CRB1: variants seen among roughly 807,000 people sequenced by gnomAD.
The protein encoded by CRB1 is crumbs cell polarity complex component 1, also known as protein crumbs homolog 1.
CRB1 carries 83 observed loss-of-function variants against 120.0 expected under a neutral mutation model. That is an observed-to-expected ratio of 0.69 (90% CI 0.58 to 0.83). The LOEUF is 0.83. Ranked by LOEUF, CRB1 falls within the 40% of genes least tolerant of loss-of-function variation. CRB1 has a pLI of 0.00. For synonymous variants in CRB1, 625 were observed against 612.5 expected, an observed-to-expected ratio of 1.02 and a Z score of -0.30; for missense variants, 1,699 against 1,687.6, an observed-to-expected ratio of 1.01 and a Z score of -0.12.
At chr1:197,469,585 T>C (rs1448540900) in intron 11 of CRB1, among the ~76,000 whole-genome samples, 1 of 152,114 alleles carries the variant, frequency 6.6e-6, no homozygotes, top group Non-Finnish European at 1.5e-5. Flanking sequence ...GCTCTGAATC[T>C]TTAGTTAGCA....
intron 1 of CRB1, among the ~76,000 whole-genome samples, chr1:197,310,811 G>T (rs914776011): frequency 1.3e-5 from 2 of 152,056 alleles, no homozygotes; most frequent in African/African-American, 4.8e-5. Flanking sequence ...CAGTTTAGGG[G>T]AGTAGGAAAT....
At chr1:197,406,264 C>G (rs1272252218) in intron 5 of CRB1, among the ~76,000 whole-genome samples, 1 of 152,168 alleles carries the variant, frequency 6.6e-6, no homozygotes, top group Non-Finnish European at 1.5e-5. Flanking sequence ...TCTTCTTGAT[C>G]TGTGACCTTA....
At chr1:197,204,324 G>A in the CRB1 span, among the ~76,000 whole-genome samples, 959 of 152,254 alleles carry the variant, frequency 6.3e-3, 13 homozygotes, top group African/African-American at 0.022. Flanking sequence ...GGGATTGCTG[G>A]ATTAACTGGT....
At chr1:197,341,909 A>G (rs558705952) in intron 2 of CRB1, among the ~76,000 whole-genome samples, 2 of 152,334 alleles carry the variant, frequency 1.3e-5, no homozygotes, top group East Asian at 3.9e-4. Context: ...CTTCAGTTTT[A>G]AAAGGATGGC....
chr1:197,469,984 G>T (rs939497387), intron 11 of CRB1, among the ~76,000 whole-genome samples: 2 of 152,158 alleles, frequency 1.3e-5, no homozygotes, highest in African/African-American at 4.8e-5. Context: ...GCACCTCAGA[G>T]ATGGCACCTC....
the CRB1 span, among the ~76,000 whole-genome samples, chr1:197,261,022 T>C: frequency 6.6e-6 from 1 of 152,178 alleles, no homozygotes; most frequent in African/African-American, 2.4e-5. Context: ...AAAGAGTTAA[T>C]TGAAAAGTGA....
chr1:197,294,108 C>G (rs1307480506), intron 1 of CRB1, among the ~76,000 whole-genome samples: 3 of 152,080 alleles, frequency 2.0e-5, no homozygotes, highest in African/African-American at 7.2e-5. Context: ...AAAGAAACTA[C>G]CATCAGGGTG....
chr1:197,311,427 C>T (rs544822968), intron 1 of CRB1, among the ~76,000 whole-genome samples: 4 of 152,162 alleles, frequency 2.6e-5, no homozygotes, highest in African/African-American at 9.6e-5. Flanking sequence ...ACAAACGTTC[C>T]GTTGTAAGAT....
intron 1 of CRB1, among the ~76,000 whole-genome samples, chr1:197,323,399 CG>C (rs1434607711): frequency 6.6e-6 from 1 of 151,926 alleles, no homozygotes; most frequent in East Asian, 1.9e-4. Flanking sequence ...CTTTATGGAG[CG>C]GGAAAAAACT....
intron 1 of CRB1, among the ~76,000 whole-genome samples, chr1:197,292,231 G>A (rs1398368181): frequency 6.6e-6 from 1 of 151,970 alleles, no homozygotes; most frequent in Non-Finnish European, 1.5e-5. Context: ...AATGATAAAG[G>A]GGATATCACC....
chr1:197,427,413 T>C (rs1238147213), intron 6 of CRB1, 41 bp from the exon 7 acceptor site: 2 of 1,592,478 alleles, frequency 1.3e-6, no homozygotes, highest in East Asian at 4.5e-5. Context: ...CCTTAAGATG[T>C]TTCTTTTTTT....
the CRB1 span, among the ~76,000 whole-genome samples, chr1:197,212,151 A>G: frequency 6.6e-6 from 1 of 152,142 alleles, no homozygotes; most frequent in African/African-American, 2.4e-5. Context: ...GACATAGATA[A>G]ACTGAAAATC....
intron 4 of CRB1, among the ~76,000 whole-genome samples, chr1:197,353,829 A>C (rs988810844): frequency 4.0e-5 from 6 of 151,042 alleles, no homozygotes; most frequent in South Asian, 2.1e-4. Context: ...AAAAAAAAAA[A>C]AAAAAAAACT....
intron 5 of CRB1, among the ~76,000 whole-genome samples, chr1:197,399,727 T>C (rs1483650302): frequency 6.6e-6 from 1 of 152,182 alleles, no homozygotes; most frequent in Non-Finnish European, 1.5e-5. Context: ...GGCTGGGGTC[T>C]CCTCTGATGG....
upstream of CRB1, among the ~76,000 whole-genome samples, chr1:197,264,649 T>C (rs951205326): frequency 6.7e-6 from 1 of 149,640 alleles, no homozygotes; most frequent in African/African-American, 2.5e-5. Flanking sequence ...AGTCTCACTC[T>C]GTCGCTCTGT....
intron 2 of CRB1, among the ~76,000 whole-genome samples, chr1:197,343,874 G>A (rs1015078901): frequency 6.6e-6 from 1 of 152,290 alleles, no homozygotes; most frequent in African/African-American, 2.4e-5. Flanking sequence ...CCAGGATCCC[G>A]ACCCAACTGT....
At chr1:197,353,039 CTG>C (rs1302597798) in intron 4 of CRB1, among the ~76,000 whole-genome samples, 1 of 152,158 alleles carries the variant, frequency 6.6e-6, no homozygotes, top group Admixed American at 6.5e-5. Context: ...AACACAGTCT[CTG>C]TTTTGTGAAG....
intron 11 of CRB1, chr1:197,444,339 T>C (rs1209076463): frequency 6.6e-6 from 1 of 152,188 alleles, no homozygotes; most frequent in Non-Finnish European, 1.5e-5. Flanking sequence ...TTCTTACTCA[T>C]CCATTTTCTT....
upstream of CRB1, among the ~76,000 whole-genome samples, chr1:197,264,318 C>T (rs1256872883): frequency 6.6e-6 from 1 of 152,176 alleles, no homozygotes; most frequent in Non-Finnish European, 1.5e-5. Flanking sequence ...TTTTTTATGG[C>T]TGAATTGAAT....
Sources: gnomAD v4.1 joint callset for allele counts (sites outside exome capture counted in the v4.1 genomes callset) on GRCh38, gnomAD v4.1.1 for gene constraint, MANE v1.5 for transcripts, NCBI Gene and HGNC (gene_info 2026-07-23, HGNC 2026-07-21) for gene names.